Variants in DBF4B observed in about 807,000 individuals in gnomAD.
DBF4B encodes the protein protein DBF4 homolog B.
DBF4B carries 49 observed loss-of-function variants against 53.4 expected under a neutral mutation model. That is an observed-to-expected ratio of 0.92 (90% confidence interval 0.73 to 1.16). DBF4B has a LOEUF of 1.16. DBF4B is among the 50% of genes most tolerant of loss of function. The pLI is 0.00. For missense variants in DBF4B, 692 were observed against 775.0 expected, an observed-to-expected ratio of 0.89 and a Z score of 1.27; for synonymous variants, 257 against 288.7, an observed-to-expected ratio of 0.89 and a Z score of 1.11.
chr17:44,746,859 C>T (rs2049107956), intron 10 of DBF4B, among the ~76,000 whole-genome samples: 1 of 151,702 alleles, frequency 6.6e-6, no homozygotes, highest in South Asian at 2.1e-4. Flanking sequence ...ATAAGACAGG[C>T]TGCCCACAGG....
intron 2 of DBF4B, among the ~76,000 whole-genome samples, chr17:44,713,066 G>T (rs1245544648): frequency 7.9e-6 from 1 of 126,228 alleles, no homozygotes; most frequent in Admixed American, 8.6e-5. Flanking sequence ...TTGAGACAGA[G>T]TCTTGCTCTG....
At position 44,751,597 on chromosome 17, in the gene DBF4B, C is replaced by T; in HGVS notation, c.*344C>T. ...CCCTCTGCCCCAAAATGCCATGCTCCTCTCCTGGAAAACACTTGAGTTGAT... is the reference window on the plus strand; with the variant it reads ...CCCTCTGCCCCAAAATGCCATGCTCTTCTCCTGGAAAACACTTGAGTTGAT... On this transcript the variant is annotated 3_prime_UTR_variant, in exon 14 of 14. Transcript: ENST00000315005. 1.5e-6 allele frequency: 2 copies of T among 1,348,128 alleles called. No homozygotes were observed. The highest frequency in any genetic ancestry group is 1.9e-6 in the Non-Finnish European group (2 of 1,050,280). 83.5% of individuals were successfully genotyped at this position (1,348,128 alleles called of 1,614,324 possible).
At chr17:44,748,488 A>G (rs1262207877) in intron 13 of DBF4B, 23 bp downstream of exon 13, 1 of 1,613,478 alleles carries the variant, frequency 6.2e-7, no homozygotes, top group Non-Finnish European at 8.5e-7. Flanking sequence ...AGGATGGGAC[A>G]GTGGACAGCA....
chr17:44,731,434 A>G (rs980388736), intron 5 of DBF4B: 2 of 194,192 alleles, frequency 1.0e-5, no homozygotes, highest in Non-Finnish European at 2.2e-5. Flanking sequence ...ACATGGCGAA[A>G]CCCCATCTCT....
chr17:44,738,829 C>T (rs565145351), intron 9 of DBF4B, among the ~76,000 whole-genome samples: 12 of 152,298 alleles, frequency 7.9e-5, no homozygotes, highest in African/African-American at 2.9e-4. Context: ...ATCATCTTGG[C>T]TGAAATTAGG....
intron 10 of DBF4B, among the ~76,000 whole-genome samples, chr17:44,745,947 C>T (rs1216964759): frequency 6.6e-6 from 1 of 151,190 alleles, no homozygotes; most frequent in East Asian, 1.9e-4. Flanking sequence ...GTGACTCAGT[C>T]CTGTAATCCC....
At chr17:44,745,555 A>C (rs2145132362) in intron 10 of DBF4B, among the ~76,000 whole-genome samples, 1 of 152,350 alleles carries the variant, frequency 6.6e-6, no homozygotes, top group African/African-American at 2.4e-5. Context: ...AGAGCCCCTT[A>C]CAAAAGCATC....
chr17:44,712,430 A>T (rs539100284), intron 2 of DBF4B, among the ~76,000 whole-genome samples: 1 of 144,958 alleles, frequency 6.9e-6, no homozygotes, highest in Non-Finnish European at 1.5e-5. Flanking sequence ...TCAGCCTCCC[A>T]AGTAGCTGGG....
intron 8 of DBF4B, among the ~76,000 whole-genome samples, chr17:44,738,102 C>A (rs956150411): frequency 6.6e-6 from 1 of 152,250 alleles, no homozygotes; most frequent in Non-Finnish European, 1.5e-5. Context: ...CCTCCAGAAT[C>A]CACACACAGG....
chr17:44,735,163 C>T (rs71373518), intron 7 of DBF4B, among the ~76,000 whole-genome samples: 1 of 152,190 alleles, frequency 6.6e-6, no homozygotes, highest in Non-Finnish European at 1.5e-5. Context: ...ACCCTCTCCT[C>T]TAGGAGTGTT....
At chr17:44,729,370 TA>T (rs79672116) in intron 3 of DBF4B, among the ~76,000 whole-genome samples, 146 of 141,838 alleles carry the variant, frequency 1.0e-3, no homozygotes, top group Admixed American at 8.5e-4. Flanking sequence ...CCCAGCTAAT[TA>T]AAAAAAAAAA....
chr17:44,722,699 G>A (rs936782932), intron 2 of DBF4B, among the ~76,000 whole-genome samples, 181 bp from the exon 3 acceptor site: 1 of 152,210 alleles, frequency 6.6e-6, no homozygotes, highest in African/African-American at 2.4e-5. Context: ...TGTTTGGAAG[G>A]TTCCAATTTC....
At position 44,709,381 on chromosome 17, in the gene DBF4B, A is replaced by G. The variant is rs753599209; in HGVS notation, c.82+15A>G. 1 of 1,614,100 alleles carries G rather than the reference A, an allele frequency of 6.2e-7. No homozygotes were observed. Among genetic ancestry groups the G allele is most frequent in the Non-Finnish European group, 8.5e-7 (1 of 1,179,972 alleles). ...CCCGGACCTAGGTGGGTAACAGGACAGAACTAGGGACGTGAGGTGAAAATT... is the reference window on the plus strand; with the variant it reads ...CCCGGACCTAGGTGGGTAACAGGACGGAACTAGGGACGTGAGGTGAAAATT... On this transcript the variant is annotated intron_variant, in intron 2 of 13. Coordinates refer to ENST00000315005, the MANE Select transcript of DBF4B (RefSeq NM_145663.3).
At chr17:44,711,378 A>G (rs1174455719) in intron 2 of DBF4B, among the ~76,000 whole-genome samples, 1 of 152,110 alleles carries the variant, frequency 6.6e-6, no homozygotes. Context: ...TGGCACAATC[A>G]TAGCTCACTG....
rs1047188186 is a variant in DBF4B, at chr17:44,730,314, G to A, written c.417+218G>A. Among the ~76,000 whole-genome samples the A allele has an allele frequency of 4.6e-5, 7 of 152,028 alleles. 1 individual carries two copies. The highest frequency in any genetic ancestry group is 6.6e-5 in the Admixed American group (1 of 15,254). On this transcript the variant is annotated intron_variant, in intron 4 of 13. Transcript: ENST00000315005. ...TTTTATGCCTTATGTCAGTTTTTAC[G>A]GGACTTGAAAGTCAGAGGTTTAGAA...
At chr17:44,710,976 ATTTTTTTTTTTTTT>A (rs10522434) in intron 2 of DBF4B, among the ~76,000 whole-genome samples, 1 of 98,304 alleles carries the variant, frequency 1.0e-5, no homozygotes, top group Non-Finnish European at 1.9e-5. Flanking sequence ...TTCCAGTTTG[ATTTTTTTTTTTTTT>A]TTTTTTTTTT....
In DBF4B at chr17:44,750,867, A is replaced by G. The variant is rs143213937; in HGVS notation, c.1462A>G (p.Ile488Val). Residue 488 changes from isoleucine (I) to valine (V), a missense_variant, in exon 14 of 14, where the codon ATT (isoleucine) becomes GTT (valine). This residue lies in a region of DBF4B where 597 missense variants were observed against 665.8 expected (regional missense o/e 0.90). Transcript: ENST00000315005. ...AGAAAACTCCTTTGCCCCGGCGGAC[A>G]TTCCTGTTAAGGGCCCACTCCTCTT... ...SQENSFAPAD[I>V]PVKGPLLFPE... 7 of 1,614,104 alleles carry G rather than the reference A, an allele frequency of 4.3e-6. No homozygotes were observed. The African/African-American group carries it at 8.0e-5, about 18-fold the overall frequency.
At chr17:44,726,292 T>TTTTTATTTATTTA (rs1555676222) in intron 3 of DBF4B, among the ~76,000 whole-genome samples, 1 of 132,054 alleles carries the variant, frequency 7.6e-6, no homozygotes, top group Admixed American at 8.0e-5. Context: ...CCCGGCCCTT[T>TTTTTATTTATTTA]TTTATTTATT....
rs922284180 is a variant in DBF4B, at chr17:44,751,700, C to T, written c.*447C>T. On this transcript the variant is annotated 3_prime_UTR_variant, in exon 14 of 14. Transcript: ENST00000315005. The stretch of plus-strand genomic sequence containing the variant: ...CCTTCCTGCGGTCTATACCTACCGC[C>T]TCCTCTTCACCTCCTTCCCTTCCAC... 3.5e-6 allele frequency: 5 copies of T among 1,430,808 alleles called. No individual in the cohort carries two copies. The Admixed American group carries it at 1.4e-4, about 39-fold the overall frequency. 88.6% of individuals were successfully genotyped at this position (1,430,808 alleles called of 1,614,324 possible). A position where few individuals can be genotyped will look rare whatever the true frequency, so the allele number is the denominator to read the frequency against.
Sources: gnomAD v4.1 joint callset for allele counts (sites outside exome capture counted in the v4.1 genomes callset) on GRCh38, gnomAD v4.1.1 for gene constraint, gnomAD v4.1.1 regional missense constraint, MANE v1.5 for transcripts, NCBI Gene and HGNC (gene_info 2026-07-23, HGNC 2026-07-21) for gene names.